PRUNE2: variants seen among roughly 807,000 people sequenced by gnomAD.
The protein encoded by PRUNE2 is protein prune homolog 2.
A neutral mutation model predicts 252.0 loss-of-function variants in PRUNE2; 164 were observed. The observed-to-expected ratio is 0.65, with a 90% CI of 0.57 to 0.74. The LOEUF (loss-of-function observed/expected upper bound fraction) is 0.74, where lower values mean the gene tolerates loss of function less well. PRUNE2 is among the 30% of genes least tolerant of loss of function. The pLI is 0.00. For missense variants in PRUNE2, 3,495 were observed against 3,711.0 expected (o/e 0.94, Z 1.51); for synonymous variants, 1,292 against 1,350.2 (o/e 0.96, Z 0.94).
intron 6 of PRUNE2, among the ~76,000 whole-genome samples, chr9:76,787,968 T>G (rs570612988): frequency 6.6e-6 from 1 of 152,308 alleles, no homozygotes; most frequent in African/African-American, 2.4e-5. Flanking sequence ...ACACATGGCC[T>G]CGGAACATTC....
In PRUNE2 at chr9:76,644,723, T is replaced by C; in HGVS notation, c.8728+16A>G. On this transcript the variant is annotated intron_variant, in intron 12 of 18. Coordinates refer to ENST00000376718, the MANE Select transcript of PRUNE2 (RefSeq NM_015225.3). ...GCCCCTTCCCCATTTCCCAGATTCATGCTGAGCTCGACTACCTCCGTGAGA... is the reference window on the plus strand; with the variant it reads ...GCCCCTTCCCCATTTCCCAGATTCACGCTGAGCTCGACTACCTCCGTGAGA... The C allele has an allele frequency of 1.2e-6, 2 of 1,612,788 alleles. No individual in the cohort carries two copies.
chr9:76,686,590 G>A (rs1217467068), intron 9 of PRUNE2, among the ~76,000 whole-genome samples: 1 of 152,066 alleles, frequency 6.6e-6, no homozygotes, highest in Non-Finnish European at 1.5e-5. Flanking sequence ...AAGTAGTTGG[G>A]ACCACAGGCA....
chr9:76,677,828 G>T (rs2042870096), intron 9 of PRUNE2, among the ~76,000 whole-genome samples: 1 of 152,082 alleles, frequency 6.6e-6, no homozygotes, highest in Non-Finnish European at 1.5e-5. Flanking sequence ...CATTCCCCGA[G>T]GTCAGCATAT....
intron 4 of PRUNE2, among the ~76,000 whole-genome samples, chr9:76,833,551 G>A (rs1314802579): frequency 1.3e-5 from 2 of 151,846 alleles, no homozygotes; most frequent in Non-Finnish European, 2.9e-5. Flanking sequence ...GGATCACGAA[G>A]TCAGGAGATC....
chr9:76,832,808 A>T (rs1007211462), intron 4 of PRUNE2, among the ~76,000 whole-genome samples: 4 of 152,050 alleles, frequency 2.6e-5, no homozygotes, highest in African/African-American at 9.7e-5. Context: ...AAAAAAAGAG[A>T]CAGGAGAGAA....
intron 6 of PRUNE2, among the ~76,000 whole-genome samples, chr9:76,794,334 C>T (rs150085040): frequency 8.5e-5 from 13 of 152,142 alleles, no homozygotes; most frequent in African/African-American, 2.2e-4. Flanking sequence ...GCGCGGCCTC[C>T]GAGCGAGCGC....
At chr9:76,777,142 G>T (rs2131102701) in intron 6 of PRUNE2, among the ~76,000 whole-genome samples, 1 of 152,150 alleles carries the variant, frequency 6.6e-6, no homozygotes, top group South Asian at 2.1e-4. Context: ...GGAGAGAAGT[G>T]GGGGAGGGCA....
chr9:76,642,001 T>TAAAAAAAAAAAAAAAGAAAAAA, intron 12 of PRUNE2: 1 of 1,010,454 alleles, frequency 9.9e-7, no homozygotes, highest in South Asian at 1.7e-5. Context: ...ATAAGAGAAG[T>TAAAAAAAAAAAAAAAGAAAAAA]AAAAAAAAAA....
At chr9:76,847,245 G>C (rs1158006329) in intron 3 of PRUNE2, among the ~76,000 whole-genome samples, 3 of 151,356 alleles carry the variant, frequency 2.0e-5, no homozygotes, top group Admixed American at 6.6e-5. Context: ...AGAATCACTT[G>C]AACCATGGAG....
chr9:76,807,604 G>T (rs2057059962), intron 6 of PRUNE2, among the ~76,000 whole-genome samples: 1 of 152,186 alleles, frequency 6.6e-6, no homozygotes, highest in Non-Finnish European at 1.5e-5. Flanking sequence ...GCTCTCTCTT[G>T]AGCATCCATT....
intron 9 of PRUNE2, among the ~76,000 whole-genome samples, chr9:76,666,074 G>T (rs2040085418): frequency 6.6e-6 from 1 of 152,166 alleles, no homozygotes; most frequent in African/African-American, 2.4e-5. Context: ...TAGGAGCTGA[G>T]GGGACATAGT....
At chr9:76,875,240 AC>A (rs1450968416) in intron 1 of PRUNE2, among the ~76,000 whole-genome samples, 1 of 151,802 alleles carries the variant, frequency 6.6e-6, no homozygotes, top group Non-Finnish European at 1.5e-5. Context: ...ATCTACACTG[AC>A]CTCCCCACCC....
In PRUNE2 at chr9:76,825,377, A is replaced by T. The variant is rs1358414760; in HGVS notation, c.661+1203T>A. ...ATCCCTCAGGTGGGACAGAGTTTACACTCTTTCTCATGGTCTCTGGTGGGA... is the reference window on the plus strand; with the variant it reads ...ATCCCTCAGGTGGGACAGAGTTTACTCTCTTTCTCATGGTCTCTGGTGGGA... On this transcript the variant is annotated intron_variant, in intron 5 of 18. Coordinates refer to ENST00000376718, the MANE Select transcript of PRUNE2 (RefSeq NM_015225.3). Among the ~76,000 whole-genome samples the T allele has an allele frequency of 1.9e-4, 29 of 151,896 alleles. 1 individual carries two copies.
intron 6 of PRUNE2, among the ~76,000 whole-genome samples, chr9:76,793,562 C>CACCA (rs1347272490): frequency 6.6e-6 from 1 of 152,118 alleles, no homozygotes; most frequent in Non-Finnish European, 1.5e-5. Context: ...TCTTACCTTC[C>CACCA]ACCAGGTTCC....
intron 6 of PRUNE2, chr9:76,787,037 C>T (rs2055057741): frequency 6.6e-6 from 1 of 152,184 alleles, no homozygotes; most frequent in South Asian, 2.1e-4. Context: ...CTCTGCATCT[C>T]CCCTTTCTAA....
intron 14 of PRUNE2, among the ~76,000 whole-genome samples, 167 bp from the exon 15 acceptor site, chr9:76,636,724 G>C (rs943698915): frequency 1.3e-5 from 2 of 152,044 alleles, no homozygotes; most frequent in Non-Finnish European, 2.9e-5. Flanking sequence ...GATCACCTGA[G>C]GTCAGGAGTT....
intron 6 of PRUNE2, among the ~76,000 whole-genome samples, chr9:76,805,610 A>C (rs2056881492): frequency 6.6e-6 from 1 of 152,214 alleles, no homozygotes; most frequent in African/African-American, 2.4e-5. Context: ...AAAATAAAAA[A>C]TAAAACATAA....
At chr9:76,886,476 C>T (rs1020683173) in intron 1 of PRUNE2, among the ~76,000 whole-genome samples, 10 of 152,160 alleles carry the variant, frequency 6.6e-5, no homozygotes, top group African/African-American at 2.4e-4. Context: ...ACAGCAGTAA[C>T]CTGCATAGCT....
chr9:76,648,232 G>A (rs1329333552), intron 11 of PRUNE2, among the ~76,000 whole-genome samples: 1 of 152,132 alleles, frequency 6.6e-6, no homozygotes, highest in Non-Finnish European at 1.5e-5. Context: ...AATGCAAAAT[G>A]GTCCAGCCAC....
Sources: allele counts gnomAD v4.1 joint callset (sites outside exome capture counted in the v4.1 genomes callset), GRCh38; gene constraint gnomAD v4.1.1; transcripts MANE v1.5; gene names NCBI Gene and HGNC (gene_info 2026-07-23, HGNC 2026-07-21).